FGF13: variants seen among roughly 807,000 people sequenced by gnomAD.
The protein encoded by FGF13 is fibroblast growth factor 13.
A neutral mutation model predicts 19.5 loss-of-function variants in FGF13; 2 were observed. That is an observed-to-expected ratio of 0.10 (90% CI 0.04 to 0.32). The LOEUF (loss-of-function observed/expected upper bound fraction) is 0.32, where lower values mean the gene tolerates loss of function less well. Ranked by LOEUF, FGF13 falls within the 10% of genes least tolerant of loss-of-function variation. FGF13 has a pLI of 1.00. For synonymous variants in FGF13, 72 were observed against 76.9 expected (o/e 0.94, Z 0.33); for missense variants, 113 against 192.7 (o/e 0.59, Z 2.45).
At chrX:139,157,084 G>A (rs1056346658) in intron 1 of FGF13, among the ~76,000 whole-genome samples, 3 of 111,416 alleles carry the variant, frequency 2.7e-5, no homozygotes, top group Non-Finnish European at 3.8e-5. Flanking sequence ...TGCCAGCCAC[G>A]TGAAATATGC....
chrX:138,847,846 G>A (rs924730439), intron 3 of FGF13, among the ~76,000 whole-genome samples: 1 of 111,690 alleles, frequency 9.0e-6, no homozygotes, highest in Admixed American at 9.5e-5. Context: ...GCAATGCCTC[G>A]ATGACAGCCT....
intron 3 of FGF13, among the ~76,000 whole-genome samples, chrX:138,646,604 G>A (rs2089309350): frequency 2.7e-5 from 3 of 111,702 alleles, no homozygotes; most frequent in South Asian, 3.8e-4. Flanking sequence ...ATCATGGCAT[G>A]AAAAGTTCAC....
At chrX:138,682,829 T>C (rs1422548157) in intron 3 of FGF13, among the ~76,000 whole-genome samples, 1 of 112,039 alleles carries the variant, frequency 8.9e-6, no homozygotes, top group East Asian at 2.8e-4. Context: ...GAATCTTCTA[T>C]CTTCTATGAA....
At chrX:138,836,882 T>G (rs1261316978) in intron 3 of FGF13, among the ~76,000 whole-genome samples, 2 of 44,274 alleles carry the variant, frequency 4.5e-5, no homozygotes, top group Admixed American at 1.7e-4. Flanking sequence ...TGGTGGTGGG[T>G]TTTTTTTTTT....
chrX:138,977,416 A>G (rs1296777042), intron 1 of FGF13, among the ~76,000 whole-genome samples: 1 of 112,222 alleles, frequency 8.9e-6, no homozygotes, highest in East Asian at 2.8e-4. Flanking sequence ...CCTATGATCT[A>G]CTACTTAATA....
At chrX:138,807,721 T>C (rs764619934) in intron 3 of FGF13, among the ~76,000 whole-genome samples, 12 of 111,319 alleles carry the variant, frequency 1.1e-4, no homozygotes, top group Admixed American at 2.9e-4. Flanking sequence ...GAGACACACA[T>C]AGGCTCAAAA....
intron 3 of FGF13, among the ~76,000 whole-genome samples, chrX:138,789,984 G>A (rs1454575128): frequency 1.2e-5 from 1 of 85,353 alleles, no homozygotes; most frequent in East Asian, 3.8e-4. Flanking sequence ...GCCGGAGGTT[G>A]CAGTGAGCCG....
At chrX:138,971,374 C>A (rs900997748) in intron 1 of FGF13, among the ~76,000 whole-genome samples, 3 of 110,956 alleles carry the variant, frequency 2.7e-5, no homozygotes, top group Non-Finnish European at 5.7e-5. Context: ...TTTTGTTTTT[C>A]AGTTTTATTT....
intron 1 of FGF13, among the ~76,000 whole-genome samples, chrX:139,145,618 T>TC (rs2083881966): frequency 9.1e-6 from 1 of 109,771 alleles, no homozygotes; most frequent in South Asian, 4.0e-4. Flanking sequence ...CCAGCACCGG[T>TC]CCCTTTCTGC....
chrX:138,727,396 A>G (rs1192285602), intron 1 of FGF13, among the ~76,000 whole-genome samples: 1 of 110,720 alleles, frequency 9.0e-6, no homozygotes, highest in Non-Finnish European at 1.9e-5. Context: ...TCTCTTATAT[A>G]AAGGGAGAGA....
chrX:139,075,556 T>A (rs182498432), intron 1 of FGF13, among the ~76,000 whole-genome samples: 1 of 111,637 alleles, frequency 9.0e-6, no homozygotes, highest in Non-Finnish European at 1.9e-5. Context: ...CACCTCAGAG[T>A]CAACATTTTT....
intron 3 of FGF13, among the ~76,000 whole-genome samples, chrX:138,696,910 A>C (rs1310317795): frequency 1.8e-5 from 2 of 112,304 alleles, no homozygotes; most frequent in Middle Eastern, 4.6e-3. Flanking sequence ...GCATCTCTCT[A>C]AATGTAACGT....
intron 3 of FGF13, among the ~76,000 whole-genome samples, chrX:138,845,048 A>G (rs1473763297): frequency 8.9e-6 from 1 of 111,951 alleles, no homozygotes; most frequent in Non-Finnish European, 1.9e-5. Context: ...CCAGCTGACC[A>G]CAAATATATT....
intron 1 of FGF13, among the ~76,000 whole-genome samples, chrX:138,917,850 A>G (rs1225335613): frequency 8.9e-6 from 1 of 111,875 alleles, no homozygotes; most frequent in Non-Finnish European, 1.9e-5. Context: ...CTAATTAAAA[A>G]CAGACTTTTT....
chrX:139,131,395 G>A (rs975255664), intron 1 of FGF13, among the ~76,000 whole-genome samples: 1 of 107,104 alleles, frequency 9.3e-6, no homozygotes, highest in African/African-American at 3.4e-5. Context: ...GTGTGTGTGT[G>A]TGTGTGTGTG....
At chrX:138,880,661 G>A (rs907176021) in intron 1 of FGF13, among the ~76,000 whole-genome samples, 9 of 111,573 alleles carry the variant, frequency 8.1e-5, no homozygotes, top group Admixed American at 6.7e-4. Context: ...AAATCCAGTC[G>A]ACTCCGCAGC....
At chrX:138,982,504 A>G (rs1015764681) in intron 1 of FGF13, among the ~76,000 whole-genome samples, 11 of 112,197 alleles carry the variant, frequency 9.8e-5, no homozygotes, top group African/African-American at 2.6e-4. Flanking sequence ...ACAGATTATT[A>G]CTAGTGGGGG....
chrX:138,711,641 G>T lies in FGF13; in HGVS notation c.-638C>A. The T allele has an allele frequency of 1.3e-6, 1 of 754,746 alleles. No individual in the cohort carries two copies. The highest frequency in any genetic ancestry group is 6.7e-5 in the South Asian group (1 of 14,892). 62.2% of individuals were successfully genotyped at this position (754,746 alleles called of 1,213,427 possible). A position where few individuals can be genotyped will look rare whatever the true frequency, so the allele number is the denominator to read the frequency against. ...CAGGTAATGGCCTCGCATCTTCGCT[G>T]TTGCTGCTGCTCTGGGCGCGGCACA... On this transcript the variant is annotated 5_prime_UTR_variant, in exon 1 of 5. Transcript: ENST00000315930.
chrX:139,187,155 T>C (rs1232770431), intron 1 of FGF13, among the ~76,000 whole-genome samples: 5 of 112,748 alleles, frequency 4.4e-5, no homozygotes, highest in Non-Finnish European at 9.4e-5. Context: ...AATGGAACTA[T>C]CCTGAAATTT....
Sources: gnomAD v4.1 joint callset for allele counts (sites outside exome capture counted in the v4.1 genomes callset) on GRCh38, gnomAD v4.1.1 for gene constraint, MANE v1.5 for transcripts, NCBI Gene and HGNC (gene_info 2026-07-23, HGNC 2026-07-21) for gene names.